Variants in ADGB observed in about 807,000 individuals in gnomAD.
ADGB encodes the protein calpain-7-like protein.
In ADGB, 172 loss-of-function variants were observed where a neutral mutation model predicts 210.5. The ratio of observed to expected loss-of-function variants is 0.82; its 90% CI spans 0.72 to 0.93. The LOEUF (loss-of-function observed/expected upper bound fraction) is 0.93, where lower values mean the gene tolerates loss of function less well. Among genes scored for constraint, ADGB ranks in the 40% least tolerant of loss-of-function variants. The pLI, the probability that ADGB is intolerant of heterozygous loss-of-function variation, is 0.00. For synonymous variants in ADGB, 658 were observed against 662.7 expected, an observed-to-expected ratio of 0.99 and a Z score of 0.11; for missense variants, 2,025 against 1,964.8, an observed-to-expected ratio of 1.03 and a Z score of -0.58.
chr6:146,676,269 G>A, intron 8 of ADGB, 44 bp from the exon 9 acceptor site: 1 of 1,471,596 alleles, frequency 6.8e-7, no homozygotes, highest in Non-Finnish European at 9.1e-7. Context: ...TATAGTTTGA[G>A]ATTGTCTAGT....
At chr6:146,753,303 T>C (rs1359469275) in intron 27 of ADGB, among the ~76,000 whole-genome samples, 2 of 152,034 alleles carry the variant, frequency 1.3e-5, no homozygotes, top group Non-Finnish European at 2.9e-5. Context: ...ATATTTTAGC[T>C]TTTTTGCCAA....
intron 1 of ADGB, among the ~76,000 whole-genome samples, chr6:146,624,724 A>C (rs1425446294): frequency 2.0e-5 from 3 of 151,866 alleles, no homozygotes; most frequent in Non-Finnish European, 4.4e-5. Flanking sequence ...TCGTCCTATA[A>C]ATTTCACCCT....
At chr6:146,731,238 A>C (rs1350658650) in intron 20 of ADGB, among the ~76,000 whole-genome samples, 2 of 152,092 alleles carry the variant, frequency 1.3e-5, no homozygotes, top group African/African-American at 2.4e-5. Flanking sequence ...GCCATAATTC[A>C]CCTGTAGAAC....
At chr6:146,746,815 C>T (rs1188511991) in intron 26 of ADGB, among the ~76,000 whole-genome samples, 3 of 152,198 alleles carry the variant, frequency 2.0e-5, no homozygotes, top group Non-Finnish European at 4.4e-5. Context: ...AGATGCCTAA[C>T]ACAGTGTGCT....
At chr6:146,670,658 TTC>T (rs1775993698) in intron 7 of ADGB, among the ~76,000 whole-genome samples, 1 of 152,176 alleles carries the variant, frequency 6.6e-6, no homozygotes, top group African/African-American at 2.4e-5. Flanking sequence ...ACTGTTGTTA[TTC>T]TCTGTCTCTG....
At chr6:146,632,444 C>G (rs759590972) in intron 1 of ADGB, among the ~76,000 whole-genome samples, 1 of 152,168 alleles carries the variant, frequency 6.6e-6, no homozygotes, top group Non-Finnish European at 1.5e-5. Context: ...GATACTTAAT[C>G]ACATCTACAA....
intron 13 of ADGB, among the ~76,000 whole-genome samples, chr6:146,706,434 A>G (rs909575861): frequency 6.6e-6 from 1 of 151,346 alleles, no homozygotes; most frequent in Non-Finnish European, 1.5e-5. Context: ...TAATTTTTGT[A>G]TTTTTAGTAG....
intron 1 of ADGB, among the ~76,000 whole-genome samples, chr6:146,621,339 A>C (rs117696575): frequency 2.9e-3 from 449 of 152,214 alleles, no homozygotes; most frequent in Non-Finnish European, 5.2e-3. Flanking sequence ...GCCAAAATCC[A>C]TGCATCAGTT....
chr6:146,803,089 C>T, intron 35 of ADGB: 4 of 1,535,706 alleles, frequency 2.6e-6, no homozygotes, highest in Non-Finnish European at 3.6e-6. Context: ...TATTGTTTTT[C>T]TTCCTGTAAA....
At chr6:146,798,619 GAAGT>G (rs1210546673) in intron 33 of ADGB, among the ~76,000 whole-genome samples, 1 of 148,332 alleles carries the variant, frequency 6.7e-6, no homozygotes, top group Admixed American at 6.6e-5. Context: ...TAGAAACGAA[GAAGT>G]AAAACTGTAT....
chr6:146,704,213 T>C (rs1449530568), intron 13 of ADGB, among the ~76,000 whole-genome samples: 1 of 151,988 alleles, frequency 6.6e-6, no homozygotes, highest in Admixed American at 6.6e-5. Flanking sequence ...TATTAACCTC[T>C]TATCAGATGT....
At chr6:146,614,344 C>A (rs1408874718) in intron 1 of ADGB, among the ~76,000 whole-genome samples, 1 of 151,946 alleles carries the variant, frequency 6.6e-6, no homozygotes, top group Non-Finnish European at 1.5e-5. Context: ...ACACATGAAA[C>A]CTTCACCACT....
chr6:146,695,833 A>G (rs1776393882), intron 12 of ADGB, among the ~76,000 whole-genome samples: 1 of 152,086 alleles, frequency 6.6e-6, no homozygotes, highest in African/African-American at 2.4e-5. Context: ...TTCATAGATT[A>G]AAATGAAAAG....
chr6:146,695,085 A>G (rs1776385120), intron 12 of ADGB, among the ~76,000 whole-genome samples: 2 of 152,188 alleles, frequency 1.3e-5, no homozygotes, highest in South Asian at 2.1e-4. Context: ...CATTATTACT[A>G]TACTGTCTTC....
At chr6:146,796,866 G>T (rs772985497) in intron 33 of ADGB, among the ~76,000 whole-genome samples, 5 of 152,082 alleles carry the variant, frequency 3.3e-5, no homozygotes, top group Admixed American at 6.6e-5. Context: ...AAACTAAAAA[G>T]CTTCAGCACA....
In ADGB at chr6:146,733,105, A is replaced by ATTTATGTAC; in HGVS notation, c.2521-8_2521-7insACTTTATGT. The ATTTATGTAC allele has an allele frequency of 1.4e-6, 2 of 1,441,146 alleles. No individual in the cohort carries two copies. Among genetic ancestry groups the ATTTATGTAC allele is most frequent in the East Asian group, 2.6e-5 (1 of 38,648 alleles). 89.3% of individuals were successfully genotyped at this position (1,441,146 alleles called of 1,614,324 possible). ...ATGGTATTTTCTTGCTATAAAAAAA[A>ATTTATGTAC]TTTATGTGTTTCAGGTTTTTCATCT... On this transcript the variant is annotated splice_polypyrimidine_tract_variant and intron_variant, in intron 20 of 35. Coordinates refer to ENST00000397944, the MANE Select transcript of ADGB (RefSeq NM_024694.4).
At position 146,666,911 on chromosome 6, in the gene ADGB, G is replaced by C; in HGVS notation, c.839+9G>C. ...GAAGTCATTTCTCTTCAGTATGTTT[G>C]ACTATTAAATTGCTCATATCTATTT... On this transcript the variant is annotated intron_variant, in intron 7 of 35. Transcript: ENST00000397944. 1 of 1,528,936 alleles carries C rather than the reference G, an allele frequency of 6.5e-7. No individual in the cohort carries two copies. The highest frequency in any genetic ancestry group is 8.9e-7 in the Non-Finnish European group (1 of 1,128,680). The allele number at this position is 1,528,936 out of a possible 1,614,324, so 94.7% of individuals were successfully genotyped here.
chr6:146,741,804 C>G (rs1777167197), intron 25 of ADGB, among the ~76,000 whole-genome samples: 1 of 152,146 alleles, frequency 6.6e-6, no homozygotes, highest in Admixed American at 6.5e-5. Context: ...TCACTCAAAC[C>G]ACATTGCTTC....
chr6:146,803,646 T>C (rs1562305748), intron 35 of ADGB: 1 of 1,320,808 alleles, frequency 7.6e-7, no homozygotes, highest in South Asian at 1.2e-5. Flanking sequence ...GGAAGATCAA[T>C]GAAATGATCC....
Sources: allele counts gnomAD v4.1 joint callset (sites outside exome capture counted in the v4.1 genomes callset), GRCh38; gene constraint gnomAD v4.1.1; transcripts MANE v1.5; gene names NCBI Gene and HGNC (gene_info 2026-07-23, HGNC 2026-07-21).